Variants in UPP2 observed in about 807,000 individuals in gnomAD.
UPP2 encodes uridine phosphorylase 2, also known as UPase 2.
A neutral mutation model predicts 26.7 loss-of-function variants in UPP2; 23 were observed. The ratio of observed to expected loss-of-function variants is 0.86; its 90% CI spans 0.62 to 1.22. The LOEUF is 1.22. UPP2 is among the 50% of genes most tolerant of loss of function. UPP2 has a pLI of 0.00. For synonymous variants in UPP2, 127 were observed against 141.3 expected (o/e 0.90, Z 0.72); for missense variants, 387 against 396.7 (o/e 0.98, Z 0.21).
intron 6 of UPP2, 123 bp from the exon 7 acceptor site, chr2:158,134,625 T>TACAACA: frequency 8.0e-7 from 1 of 1,247,134 alleles, no homozygotes; most frequent in Non-Finnish European, 1.1e-6. Context: ...GCATCTACAT[T>TACAACA]ACAACAACAA....
intron 2 of UPP2, among the ~76,000 whole-genome samples, chr2:158,014,560 T>A (rs552029685): frequency 6.6e-6 from 1 of 152,324 alleles, no homozygotes; most frequent in Admixed American, 6.5e-5. Flanking sequence ...AGAAAAGAAA[T>A]GTGTTTCTGA....
chr2:158,121,155 T>G (rs184216044), intron 4 of UPP2, among the ~76,000 whole-genome samples: 2 of 152,132 alleles, frequency 1.3e-5, no homozygotes, highest in African/African-American at 4.8e-5. Context: ...TGGCACTAAT[T>G]TGCATGTCCA....
At chr2:158,010,749 A>T (rs995931152) in intron 2 of UPP2, among the ~76,000 whole-genome samples, 7 of 144,554 alleles carry the variant, frequency 4.8e-5, no homozygotes, top group African/African-American at 1.5e-4. Context: ...GAGCATCATT[A>T]GCTCCCTCTT....
rs139682800 is a variant in UPP2 at position 158,031,327 on chromosome 2, T to TA, written c.147+15443dup. Among the ~76,000 whole-genome samples the TA allele has an allele frequency of 4.3e-3, 648 of 152,330 alleles. 5 individuals are homozygous for TA. The highest frequency in any genetic ancestry group is 0.017 in the Middle Eastern group (5 of 294). On this transcript the variant is annotated intron_variant, in intron 3 of 9. Coordinates refer to the UPP2 transcript ENST00000605860. ...TAAAAGGCCCTCAAGAACTAAAGCA[T>TA]AATCTGGCCTCCCAAGCCCTAAACC...
chr2:158,119,222 T>C (rs1415910163), intron 4 of UPP2, among the ~76,000 whole-genome samples: 1 of 152,054 alleles, frequency 6.6e-6, no homozygotes, highest in Non-Finnish European at 1.5e-5. Context: ...CCACTTGATA[T>C]TAACAAACAC....
At chr2:158,129,039 A>G (rs1683751639) in intron 6 of UPP2, among the ~76,000 whole-genome samples, 1 of 152,032 alleles carries the variant, frequency 6.6e-6, no homozygotes, top group Non-Finnish European at 1.5e-5. Flanking sequence ...ACATATTTTA[A>G]TCAAGGTCAG....
At chr2:158,133,079 T>G (rs1683857929) in intron 6 of UPP2, among the ~76,000 whole-genome samples, 1 of 152,210 alleles carries the variant, frequency 6.6e-6, no homozygotes, top group African/African-American at 2.4e-5. Flanking sequence ...CCAAGTTTGT[T>G]GCAGCATTAT....
intron 1 of UPP2, among the ~76,000 whole-genome samples, chr2:158,102,913 T>C (rs185647800): frequency 1.3e-5 from 2 of 152,280 alleles, no homozygotes; most frequent in East Asian, 3.9e-4. Context: ...TAATGGCAAA[T>C]GGAAAGACTT....
chr2:158,123,597 G>A, intron 5 of UPP2, 152 bp from the exon 6 acceptor site: 1 of 863,776 alleles, frequency 1.2e-6, no homozygotes, highest in East Asian at 2.7e-5. Flanking sequence ...TCCTCTGGTA[G>A]GAAGAGTCAC....
chr2:158,097,357 G>A (rs1285570698), upstream of UPP2, among the ~76,000 whole-genome samples: 2 of 151,900 alleles, frequency 1.3e-5, no homozygotes, highest in African/African-American at 4.8e-5. Context: ...ATTGTCCAAA[G>A]AGAAATTCCT....
At chr2:157,996,233 C>T (rs1287039232) in intron 2 of UPP2, among the ~76,000 whole-genome samples, 1 of 152,198 alleles carries the variant, frequency 6.6e-6, no homozygotes, top group Non-Finnish European at 1.5e-5. Flanking sequence ...TCTTGGTTTA[C>T]TATAGCTTTG....
At chr2:158,127,340 T>A (rs773228506) in intron 6 of UPP2, among the ~76,000 whole-genome samples, 1 of 152,228 alleles carries the variant, frequency 6.6e-6, no homozygotes, top group Non-Finnish European at 1.5e-5. Context: ...AGGCATATAT[T>A]GATTATTTCT....
chr2:158,028,779 G>C (rs1489016698), intron 3 of UPP2, among the ~76,000 whole-genome samples: 1 of 152,180 alleles, frequency 6.6e-6, no homozygotes, highest in Non-Finnish European at 1.5e-5. Flanking sequence ...GGAGGCAAAA[G>C]GCACTTCTTA....
At chr2:158,004,032 G>T (rs543189840) in intron 2 of UPP2, among the ~76,000 whole-genome samples, 26 of 152,266 alleles carry the variant, frequency 1.7e-4, no homozygotes, top group African/African-American at 5.8e-4. Context: ...GATAATTCAT[G>T]CAGTGGATAT....
In UPP2 at chr2:158,106,167, A is replaced by G; in HGVS notation, c.131A>G (p.Asp44Gly). ...LMDEDILYHL[D>G]LGTKTHNLPA... The stretch of plus-strand genomic sequence containing the variant: ...GATGAAGACATTCTCTATCACTTGG[A>G]TTTGGGAACAAAAACACACAACCTA... The change falls in exon 2 of 7, where the codon GAT becomes GGT. Residue 44 changes from aspartate (D) to glycine (G), a missense_variant. Asp to Gly is a moderately conservative substitution (Grantham distance 94). Coordinates refer to ENST00000005756, the MANE Select transcript of UPP2 (RefSeq NM_173355.4). 2 of 1,612,204 alleles carry G rather than the reference A, an allele frequency of 1.2e-6. No homozygotes were observed. The highest frequency in any genetic ancestry group is 1.7e-5 in the Admixed American group (1 of 59,690).
At chr2:158,066,628 TTC>T (rs1393620706) in intron 3 of UPP2, among the ~76,000 whole-genome samples, 2 of 77,900 alleles carry the variant, frequency 2.6e-5, no homozygotes, top group African/African-American at 1.1e-4. Flanking sequence ...TAACCATTGA[TTC>T]TTTTTTTTTT....
At chr2:158,010,768 T>TC (rs753389043) in intron 2 of UPP2, among the ~76,000 whole-genome samples, 1 of 113,878 alleles carries the variant, frequency 8.8e-6, no homozygotes, top group Non-Finnish European at 1.8e-5. Flanking sequence ...TTTTTCTTTT[T>TC]TTTTTTTTTT....
intron 6 of UPP2, among the ~76,000 whole-genome samples, chr2:158,129,441 A>C (rs1683763580): frequency 6.6e-6 from 1 of 152,098 alleles, no homozygotes. Context: ...GACTTGCAAG[A>C]AGCCTTTGAG....
intron 3 of UPP2, among the ~76,000 whole-genome samples, chr2:158,056,888 C>T (rs752356905): frequency 1.6e-4 from 25 of 152,158 alleles, no homozygotes; most frequent in Admixed American, 5.9e-4. Flanking sequence ...CATAACAGAT[C>T]TCATCCAAGA....
Sources: allele counts gnomAD v4.1 joint callset (sites outside exome capture counted in the v4.1 genomes callset), GRCh38; gene constraint gnomAD v4.1.1; transcripts MANE v1.5; gene names NCBI Gene and HGNC (gene_info 2026-07-23, HGNC 2026-07-21).